KLHL4: variants seen among roughly 807,000 people sequenced by gnomAD.
The protein encoded by KLHL4 is kelch like family member 4.
Under a neutral mutation model 45.8 loss-of-function variants are expected in KLHL4, and 17 were observed. The ratio of observed to expected loss-of-function variants is 0.37; its 90% CI spans 0.25 to 0.56. The LOEUF is 0.56. KLHL4 is among the 20% of genes least tolerant of loss of function. The pLI is 0.79. For synonymous variants in KLHL4, 224 were observed against 189.9 expected (o/e 1.18, Z -1.47); for missense variants, 544 against 544.9 (o/e 1.00, Z 0.02).
At chrX:87,654,292 C>T (rs1218814549) in intron 9 of KLHL4, among the ~76,000 whole-genome samples, 1 of 111,318 alleles carries the variant, frequency 9.0e-6, no homozygotes, top group Non-Finnish European at 1.9e-5. Context: ...TTTCTCACCA[C>T]CCTCCACCTG....
intron 4 of KLHL4, among the ~76,000 whole-genome samples, chrX:87,619,779 T>C (rs754125897): frequency 6.4e-5 from 5 of 78,605 alleles, no homozygotes; most frequent in Admixed American, 5.6e-4. Flanking sequence ...AAATGTAATA[T>C]TGTTGTCTCT....
chrX:87,623,814 A>C (rs1377344596), intron 5 of KLHL4, among the ~76,000 whole-genome samples: 1 of 111,722 alleles, frequency 9.0e-6, no homozygotes, highest in Non-Finnish European at 1.9e-5. Context: ...GGATTGACAG[A>C]TGATCTTTAG....
At chrX:87,602,971 T>A (rs1204452904) in intron 1 of KLHL4, among the ~76,000 whole-genome samples, 1 of 111,875 alleles carries the variant, frequency 8.9e-6, no homozygotes, top group Non-Finnish European at 1.9e-5. Context: ...TAAAATTGTC[T>A]TTTAAATCAT....
At chrX:87,632,911 C>CT (rs751468871) in intron 7 of KLHL4, among the ~76,000 whole-genome samples, 6 of 110,666 alleles carry the variant, frequency 5.4e-5, no homozygotes, top group African/African-American at 9.8e-5. Flanking sequence ...GAAAAATTTC[C>CT]TTTTTTTTAA....
intron 6 of KLHL4, among the ~76,000 whole-genome samples, chrX:87,629,913 C>T (rs1371789634): frequency 1.8e-5 from 2 of 111,533 alleles, no homozygotes; most frequent in Admixed American, 1.9e-4. Context: ...GACCTCTTAG[C>T]AGGAAATATA....
intron 9 of KLHL4, among the ~76,000 whole-genome samples, chrX:87,656,395 T>C (rs1923989823): frequency 1.8e-5 from 2 of 110,102 alleles, no homozygotes; most frequent in Non-Finnish European, 3.8e-5. Context: ...TATTTTTTTT[T>C]GTTTTTGTCT....
chrX:87,537,489 T>C (rs971092629), intron 1 of KLHL4, among the ~76,000 whole-genome samples: 1 of 110,941 alleles, frequency 9.0e-6, no homozygotes, highest in Non-Finnish European at 1.9e-5. Context: ...ATTTAACACG[T>C]TTATATAAAT....
At chrX:87,572,830 A>AT (rs1932362106) in intron 1 of KLHL4, among the ~76,000 whole-genome samples, 1 of 109,887 alleles carries the variant, frequency 9.1e-6, no homozygotes, top group African/African-American at 3.3e-5. Context: ...CTTAAAAAAA[A>AT]AAATAAATGA....
chrX:87,540,006 G>A (rs1931517019), intron 1 of KLHL4, among the ~76,000 whole-genome samples: 1 of 111,739 alleles, frequency 8.9e-6, no homozygotes, highest in Non-Finnish European at 1.9e-5. Flanking sequence ...GGATATTACA[G>A]TACTGAATAT....
At chrX:87,528,706 CAAAAAAAAAAAAAAAAAAA>C (rs1160857135) in intron 1 of KLHL4, among the ~76,000 whole-genome samples, 2 of 31,494 alleles carry the variant, frequency 6.4e-5, no homozygotes, top group African/African-American at 2.6e-4. Flanking sequence ...CAAAGCGAGA[CAAAAAAAAAAAAAAAAAAA>C]AAAAAAAAAA....
intron 1 of KLHL4, among the ~76,000 whole-genome samples, chrX:87,577,537 G>T (rs2147793105): frequency 8.9e-6 from 1 of 111,791 alleles, no homozygotes; most frequent in East Asian, 2.8e-4. Flanking sequence ...TGAAATAGAT[G>T]ATTCTGATGA....
chrX:87,535,019 A>C (rs1931399404), intron 1 of KLHL4, among the ~76,000 whole-genome samples: 2 of 112,040 alleles, frequency 1.8e-5, no homozygotes, highest in African/African-American at 6.5e-5. Flanking sequence ...TTCTATATGA[A>C]GTATTGTAGA....
intron 1 of KLHL4, among the ~76,000 whole-genome samples, chrX:87,612,386 C>T (rs768899212): frequency 4.7e-4 from 53 of 111,827 alleles, no homozygotes; most frequent in Middle Eastern, 4.7e-3. Context: ...TAGTTGCCTA[C>T]ATTGTATTCA....
chrX:87,594,924 G>A (rs981224022), intron 1 of KLHL4, among the ~76,000 whole-genome samples: 1 of 111,101 alleles, frequency 9.0e-6, no homozygotes, highest in African/African-American at 3.3e-5. Flanking sequence ...GGAAGAGAAG[G>A]GAACTGGCTT....
At chrX:87,566,907 G>A (rs942628679) in intron 1 of KLHL4, among the ~76,000 whole-genome samples, 7 of 111,058 alleles carry the variant, frequency 6.3e-5, no homozygotes, top group South Asian at 3.8e-4. Context: ...ACGATGAGGC[G>A]TTTTGGAGGG....
chrX:87,574,295 A>C (rs184419816), intron 1 of KLHL4, among the ~76,000 whole-genome samples: 6 of 111,789 alleles, frequency 5.4e-5, no homozygotes, highest in African/African-American at 1.9e-4. Flanking sequence ...TTAAACCGAA[A>C]ATGTGTCATT....
chrX:87,639,061 A>G (rs969953170), intron 9 of KLHL4, among the ~76,000 whole-genome samples: 1 of 111,823 alleles, frequency 8.9e-6, no homozygotes, highest in African/African-American at 3.2e-5. Flanking sequence ...TATATCAGAC[A>G]AAACAAACTT....
intron 4 of KLHL4, 58 bp from the exon 5 acceptor site, chrX:87,622,153 T>C: frequency 4.0e-6 from 3 of 752,049 alleles, no homozygotes; most frequent in Non-Finnish European, 6.1e-6. Context: ...TTGATATGCT[T>C]ATTCCATTAA....
chrX:87,564,675 A>T (rs1480091675), intron 1 of KLHL4, among the ~76,000 whole-genome samples: 2 of 111,897 alleles, frequency 1.8e-5, no homozygotes, highest in African/African-American at 6.5e-5. Flanking sequence ...TATGAAGAAA[A>T]AACCGATAAA....
Sources: gnomAD v4.1 joint callset for allele counts (sites outside exome capture counted in the v4.1 genomes callset) on GRCh38, gnomAD v4.1.1 for gene constraint, MANE v1.5 for transcripts, NCBI Gene and HGNC (gene_info 2026-07-23, HGNC 2026-07-21) for gene names.